The following RABGAP1L variants were observed in gnomAD, a reference collection of about 807,000 sequenced individuals.
RABGAP1L encodes the protein rab GTPase-activating protein 1-like.
In RABGAP1L, 63 loss-of-function variants were observed where a neutral mutation model predicts 137.7. That is an observed-to-expected ratio of 0.46 (90% confidence interval 0.37 to 0.56). RABGAP1L has a LOEUF of 0.56. Ranked by LOEUF, RABGAP1L falls within the 20% of genes least tolerant of loss-of-function variation. The probability of loss-of-function intolerance (pLI) is 0.00; values close to 1 mark genes in which losing one functional copy is unlikely to be tolerated. For synonymous variants in RABGAP1L, 431 were observed against 433.7 expected, an observed-to-expected ratio of 0.99 and a Z score of 0.08; for missense variants, 1,095 against 1,244.0, an observed-to-expected ratio of 0.88 and a Z score of 1.80.
intron 19 of RABGAP1L, among the ~76,000 whole-genome samples, chr1:174,906,644 TATAATA>T (rs902428338): frequency 1.4e-4 from 21 of 151,570 alleles, no homozygotes; most frequent in African/African-American, 4.8e-4. Context: ...TAAAAATTAA[TATAATA>T]ATAATAGTAA....
intron 19 of RABGAP1L, among the ~76,000 whole-genome samples, chr1:174,879,977 C>G (rs1003267827): frequency 6.6e-6 from 1 of 151,066 alleles, no homozygotes; most frequent in Non-Finnish European, 1.5e-5. Flanking sequence ...CCCATAATCT[C>G]AGCTACTCAG....
intron 18 of RABGAP1L, among the ~76,000 whole-genome samples, chr1:174,781,705 A>G (rs540732891): frequency 6.6e-6 from 1 of 152,298 alleles, no homozygotes; most frequent in Admixed American, 6.5e-5. Flanking sequence ...TTTAGGTCTA[A>G]TATTTAAGTC....
chr1:174,697,515 C>T lies in RABGAP1L; in HGVS notation c.1900-2010C>T, dbSNP rs1490944528. Among the ~76,000 whole-genome samples the T allele has an allele frequency of 4.6e-5, 7 of 152,252 alleles. No homozygotes were observed. In the South Asian group the frequency reaches 1.0e-3, roughly 23 times the overall value. On this transcript the variant is annotated intron_variant, in intron 15 of 25. Coordinates refer to ENST00000681986, the MANE Select transcript of RABGAP1L (RefSeq NM_001366446.1). The stretch of plus-strand genomic sequence containing the variant: ...TGTATTTTTAGTAGAGACGGGGTTT[C>T]GTCATGTTGGCCAGGCTAGTCTCGA...
intron 20 of RABGAP1L, chr1:174,964,838 A>C: frequency 7.1e-7 from 1 of 1,407,396 alleles, no homozygotes; most frequent in Non-Finnish European, 9.2e-7. Context: ...TCAAAGGAAA[A>C]GCAAAAGAGC....
intron 13 of RABGAP1L, among the ~76,000 whole-genome samples, chr1:174,457,695 G>A (rs1414663975): frequency 6.6e-6 from 1 of 151,986 alleles, no homozygotes; most frequent in Admixed American, 6.6e-5. Context: ...TAGAGACAGG[G>A]TTTGACCATG....
At chr1:174,188,652 T>C (rs1014075954) in intron 1 of RABGAP1L, among the ~76,000 whole-genome samples, 1 of 152,360 alleles carries the variant, frequency 6.6e-6, no homozygotes, top group African/African-American at 2.4e-5. Flanking sequence ...TTTAGCTTGG[T>C]ACTTTGCCGT....
intron 19 of RABGAP1L, among the ~76,000 whole-genome samples, chr1:174,883,355 A>C (rs954177306): frequency 6.6e-6 from 1 of 152,238 alleles, no homozygotes; most frequent in African/African-American, 2.4e-5. Context: ...GGAACTAATC[A>C]GACTATTTGA....
At chr1:174,506,984 G>A (rs1661875734) in intron 13 of RABGAP1L, among the ~76,000 whole-genome samples, 1 of 152,160 alleles carries the variant, frequency 6.6e-6, no homozygotes, top group African/African-American at 2.4e-5. Flanking sequence ...GGAGGCGCGT[G>A]CCTGTGGTCC....
At chr1:174,288,328 A>G (rs187392841) in intron 10 of RABGAP1L, among the ~76,000 whole-genome samples, 43 of 152,276 alleles carry the variant, frequency 2.8e-4, no homozygotes, top group African/African-American at 7.7e-4. Context: ...ATGTTTTTAC[A>G]TTGTTAATTA....
In RABGAP1L at chr1:174,969,407, C is replaced by T; in HGVS notation, c.2544+20C>T. On this transcript the variant is annotated intron_variant, in intron 21 of 25. Coordinates refer to ENST00000681986, the MANE Select transcript of RABGAP1L (RefSeq NM_001366446.1). ...GATCAGGTAATCCTTAGAAATGAGA[C>T]TGTGATGACTTCCTCAGGGCAAAGA... 1 of 1,516,528 alleles carries T rather than the reference C, an allele frequency of 6.6e-7. No individual in the cohort carries two copies. The highest frequency in any genetic ancestry group is 1.4e-5 in the African/African-American group (1 of 72,370). The allele number at this position is 1,516,528 out of a possible 1,614,324, so 93.9% of individuals were successfully genotyped here. A position where few individuals can be genotyped will look rare whatever the true frequency, so the allele number is the denominator to read the frequency against.
intron 19 of RABGAP1L, among the ~76,000 whole-genome samples, chr1:174,833,497 A>G (rs1482092102): frequency 1.0e-5 from 1 of 96,734 alleles, no homozygotes; most frequent in Non-Finnish European, 2.4e-5. Flanking sequence ...CATGTTGCCC[A>G]AACTCCTGGG....
chr1:174,841,015 A>G (rs1042517900), intron 19 of RABGAP1L, among the ~76,000 whole-genome samples: 9 of 152,122 alleles, frequency 5.9e-5, no homozygotes, highest in Admixed American at 5.2e-4. Context: ...AGCATTAAAC[A>G]TCCATAAAGC....
intron 1 of RABGAP1L, among the ~76,000 whole-genome samples, chr1:174,174,548 A>G (rs1291810754): frequency 6.6e-6 from 1 of 152,184 alleles, no homozygotes; most frequent in Non-Finnish European, 1.5e-5. Flanking sequence ...AGCTCATTTC[A>G]AGTCCAAAGG....
At chr1:174,277,206 GA>G (rs1297957203) in intron 9 of RABGAP1L, among the ~76,000 whole-genome samples, 1 of 151,642 alleles carries the variant, frequency 6.6e-6, no homozygotes, top group African/African-American at 2.4e-5. Flanking sequence ...AGGCTAAACA[GA>G]AAAAAAGATT....
intron 11 of RABGAP1L, among the ~76,000 whole-genome samples, chr1:174,353,534 A>C (rs1683369404): frequency 6.6e-6 from 1 of 152,164 alleles, no homozygotes; most frequent in South Asian, 2.1e-4. Flanking sequence ...CCCCTAATAA[A>C]GTTTCAAGTT....
intron 13 of RABGAP1L, among the ~76,000 whole-genome samples, chr1:174,447,759 AT>A (rs1170298029): frequency 6.6e-6 from 1 of 152,006 alleles, no homozygotes; most frequent in Non-Finnish European, 1.5e-5. Context: ...ATAGTGCAAG[AT>A]AATAAGAAGT....
chr1:174,181,246 T>C (rs1476044209), intron 1 of RABGAP1L, among the ~76,000 whole-genome samples: 1 of 152,152 alleles, frequency 6.6e-6, no homozygotes, highest in Non-Finnish European at 1.5e-5. Context: ...GCTTAAGTGA[T>C]CCTCTCACTT....
chr1:174,305,769 A>G (rs1256742772), intron 11 of RABGAP1L, among the ~76,000 whole-genome samples: 1 of 151,198 alleles, frequency 6.6e-6, no homozygotes, highest in Non-Finnish European at 1.5e-5. Flanking sequence ...TTGCATATAT[A>G]TATATATTTT....
At chr1:174,612,921 A>C (rs1037342071) in intron 13 of RABGAP1L, among the ~76,000 whole-genome samples, 1 of 151,060 alleles carries the variant, frequency 6.6e-6, no homozygotes, top group Non-Finnish European at 1.5e-5. Context: ...ATCATTTTTT[A>C]TTGCGTCTAT....
Sources: allele counts gnomAD v4.1 joint callset (sites outside exome capture counted in the v4.1 genomes callset), GRCh38; gene constraint gnomAD v4.1.1; transcripts MANE v1.5; gene names NCBI Gene and HGNC (gene_info 2026-07-23, HGNC 2026-07-21).